Variants in IL1RAPL1 observed in about 807,000 individuals in gnomAD.
The protein encoded by IL1RAPL1 is interleukin-1 receptor accessory protein-like 1.
Under a neutral mutation model 48.4 loss-of-function variants are expected in IL1RAPL1, and 3 were observed. The observed-to-expected ratio is 0.06, with a 90% CI of 0.03 to 0.16. The LOEUF (loss-of-function observed/expected upper bound fraction) is 0.16. IL1RAPL1 is among the 10% of genes least tolerant of loss of function. The pLI is 1.00. For synonymous variants in IL1RAPL1, 185 were observed against 187.7 expected (o/e 0.99, Z 0.12); for missense variants, 349 against 530.6 (o/e 0.66, Z 3.36).
chrX:29,335,400 A>T (rs1175191226), intron 3 of IL1RAPL1, among the ~76,000 whole-genome samples: 10 of 103,190 alleles, frequency 9.7e-5, no homozygotes, highest in African/African-American at 3.5e-4. Flanking sequence ...TCCTCAAAGC[A>T]CTAAATTACA....
In IL1RAPL1 at chrX:29,350,191, TTATATATA is replaced by T. The variant is rs397897010; in HGVS notation, c.363-46041_363-46034del. ...CTCCCTTGGTCTACATACTGTTATT[TTATATATA>T]TATATATATATATATATATATATAT... On this transcript the variant is annotated intron_variant, in intron 3 of 10. Coordinates refer to ENST00000378993, the MANE Select transcript of IL1RAPL1 (RefSeq NM_014271.4). Among the ~76,000 whole-genome samples, 98 of 39,423 alleles carry T rather than the reference TTATATATA, an allele frequency of 2.5e-3. 2 individuals are homozygous for T. The highest frequency in any genetic ancestry group is 0.01 in the South Asian group (6 of 582). The allele number at this position is 39,423 out of a possible 115,157, so 34.2% of individuals were successfully genotyped here. A position where few individuals can be genotyped will look rare whatever the true frequency, so the allele number is the denominator to read the frequency against.
chrX:29,149,323 C>T (rs929915746), intron 2 of IL1RAPL1, among the ~76,000 whole-genome samples: 14 of 110,849 alleles, frequency 1.3e-4, no homozygotes, highest in African/African-American at 3.3e-4. Context: ...TCTTGAAGCA[C>T]GAGAACCAAT....
intron 2 of IL1RAPL1, among the ~76,000 whole-genome samples, chrX:29,210,196 A>G (rs1450013754): frequency 8.9e-6 from 1 of 112,357 alleles, no homozygotes; most frequent in Non-Finnish European, 1.9e-5. Context: ...ATTAAATATG[A>G]TTTAATTTTA....
At chrX:29,499,315 C>T (rs375369673) in intron 5 of IL1RAPL1, among the ~76,000 whole-genome samples, 13 of 111,813 alleles carry the variant, frequency 1.2e-4, no homozygotes, top group African/African-American at 3.6e-4. Flanking sequence ...TCAGTGTTAA[C>T]GGATTGAAAG....
At chrX:28,820,932 C>T (rs986358066) in intron 2 of IL1RAPL1, among the ~76,000 whole-genome samples, 19 of 111,251 alleles carry the variant, frequency 1.7e-4, no homozygotes, top group Admixed American at 4.8e-4. Context: ...AAAGGAGTTA[C>T]AGAAAATGTA....
At chrX:28,798,738 C>T (rs796123414) in intron 2 of IL1RAPL1, among the ~76,000 whole-genome samples, 2 of 111,478 alleles carry the variant, frequency 1.8e-5, no homozygotes, top group African/African-American at 6.5e-5. Context: ...GAGAAAAGAA[C>T]AGGGAAGTTG....
intron 8 of IL1RAPL1, among the ~76,000 whole-genome samples, chrX:29,928,905 C>T (rs1321794733): frequency 9.0e-6 from 1 of 111,224 alleles, no homozygotes; most frequent in Non-Finnish European, 1.9e-5. Context: ...AGGGAGAAAA[C>T]GTGTTGATTT....
intron 3 of IL1RAPL1, among the ~76,000 whole-genome samples, chrX:29,343,024 GTC>G (rs1181109968): frequency 8.9e-6 from 1 of 111,979 alleles, no homozygotes; most frequent in African/African-American, 3.2e-5. Flanking sequence ...ACTTCTGGAG[GTC>G]TCTCTCATCA....
intron 1 of IL1RAPL1, among the ~76,000 whole-genome samples, chrX:28,693,386 A>T: frequency 8.9e-6 from 1 of 112,648 alleles, no homozygotes; most frequent in African/African-American, 3.2e-5. Context: ...TCAACAGGAC[A>T]GTCCTTTTCT....
chrX:28,627,695 T>C (rs754338568), intron 1 of IL1RAPL1, among the ~76,000 whole-genome samples: 7 of 112,125 alleles, frequency 6.2e-5, no homozygotes, highest in Non-Finnish European at 9.4e-5. Flanking sequence ...AATAATTTCC[T>C]TGTCTATAAT....
chrX:29,197,392 C>T (rs1930465645), intron 2 of IL1RAPL1, among the ~76,000 whole-genome samples: 1 of 111,498 alleles, frequency 9.0e-6, no homozygotes, highest in South Asian at 3.7e-4. Flanking sequence ...GTATTTGATT[C>T]ATACTGCCCA....
intron 2 of IL1RAPL1, among the ~76,000 whole-genome samples, chrX:29,104,317 C>G (rs1426705538): frequency 3.6e-5 from 4 of 111,805 alleles, no homozygotes; most frequent in Non-Finnish European, 5.6e-5. Flanking sequence ...CTATCTTTTG[C>G]AACAACATAG....
chrX:28,696,406 A>G (rs908991866), intron 1 of IL1RAPL1, among the ~76,000 whole-genome samples: 3 of 111,781 alleles, frequency 2.7e-5, no homozygotes, highest in Non-Finnish European at 3.8e-5. Context: ...ATAATGAGTC[A>G]TAGATAAGTT....
At chrX:29,654,032 G>A (rs1469012930) in intron 5 of IL1RAPL1, among the ~76,000 whole-genome samples, 1 of 109,166 alleles carries the variant, frequency 9.2e-6, no homozygotes. Flanking sequence ...AGGATGAAAG[G>A]AAATGGTGGA....
At chrX:29,718,283 G>A (rs1393519388) in intron 6 of IL1RAPL1, among the ~76,000 whole-genome samples, 1 of 110,711 alleles carries the variant, frequency 9.0e-6, no homozygotes, top group Non-Finnish European at 1.9e-5. Flanking sequence ...CTATAAAAAA[G>A]GATGGGTTCA....
At chrX:29,232,587 C>T (rs1931221543) in intron 2 of IL1RAPL1, among the ~76,000 whole-genome samples, 1 of 111,519 alleles carries the variant, frequency 9.0e-6, no homozygotes, top group Non-Finnish European at 1.9e-5. Context: ...ATCTGACAGT[C>T]ATCTCTCAGA....
In IL1RAPL1 at chrX:29,603,202, G is replaced by T. The variant is rs776032793; in HGVS notation, c.704-65228G>T. On this transcript the variant is annotated intron_variant, in intron 5 of 10. Transcript: ENST00000378993. ...AATCACTTGAACCTGGGAGGCAGAGGTTGCAGTGATCCAAGACTGCGCCAT... is the reference window on the plus strand; with the variant it reads ...AATCACTTGAACCTGGGAGGCAGAGTTTGCAGTGATCCAAGACTGCGCCAT... Among the ~76,000 whole-genome samples the T allele has an allele frequency of 1.9e-3, 199 of 107,221 alleles. 1 individual carries two copies. The highest frequency in any genetic ancestry group is 6.6e-3 in the African/African-American group (192 of 29,295). 93.1% of individuals were successfully genotyped at this position (107,221 alleles called of 115,157 possible).
intron 5 of IL1RAPL1, among the ~76,000 whole-genome samples, chrX:29,632,152 C>CT (rs1268652852): frequency 0.011 from 1,085 of 102,073 alleles, 8 homozygotes; most frequent in African/African-American, 0.033. Flanking sequence ...TTGGTTGTAA[C>CT]TTTTTTTTTT....
chrX:29,917,713 C>A, intron 7 of IL1RAPL1, 117 bp downstream of exon 7: 1 of 553,307 alleles, frequency 1.8e-6, no homozygotes, highest in Non-Finnish European at 2.9e-6. Context: ...AAAAATACTA[C>A]AATATTTAAT....
Sources: allele counts gnomAD v4.1 joint callset (sites outside exome capture counted in the v4.1 genomes callset), GRCh38; gene constraint gnomAD v4.1.1; transcripts MANE v1.5; gene names NCBI Gene and HGNC (gene_info 2026-07-23, HGNC 2026-07-21).